Variants in ADGRF5 observed in about 807,000 individuals in gnomAD.
ADGRF5 encodes G-protein coupled receptor 116.
In ADGRF5, 75 loss-of-function variants were observed where a neutral mutation model predicts 132.3. The observed-to-expected ratio is 0.57, with a 90% CI of 0.47 to 0.69. The LOEUF is 0.69. Among genes scored for constraint, ADGRF5 ranks in the 30% least tolerant of loss-of-function variants. ADGRF5 has a pLI of 0.00. For missense variants in ADGRF5, 1,516 were observed against 1,630.6 expected, an observed-to-expected ratio of 0.93 and a Z score of 1.21; for synonymous variants, 629 against 597.6, an observed-to-expected ratio of 1.05 and a Z score of -0.77.
upstream of ADGRF5, among the ~76,000 whole-genome samples, chr6:46,926,733 A>G (rs113612965): frequency 0.02 from 3,071 of 152,236 alleles, 108 homozygotes; most frequent in African/African-American, 0.07. Flanking sequence ...TTTCAGAATC[A>G]TCGACTTGTC....
At chr6:46,944,554 T>G (rs766729286) in intron 1 of ADGRF5, among the ~76,000 whole-genome samples, 5 of 152,182 alleles carry the variant, frequency 3.3e-5, no homozygotes, top group Non-Finnish European at 4.4e-5. Context: ...CCCAGAGATA[T>G]GCATTTTGAT....
intron 1 of ADGRF5, among the ~76,000 whole-genome samples, chr6:46,920,344 A>G (rs1776803586): frequency 6.6e-6 from 1 of 152,204 alleles, no homozygotes; most frequent in South Asian, 2.1e-4. Flanking sequence ...TAAAAGAGCT[A>G]TTCATGTTTC....
chr6:46,903,725 G>A (rs1191876063), intron 2 of ADGRF5: 1 of 152,102 alleles, frequency 6.6e-6, no homozygotes, highest in East Asian at 1.9e-4. Flanking sequence ...CTCTAGCAAT[G>A]TCTCCTCACA....
chr6:46,948,725 C>T (rs867886188), intron 1 of ADGRF5, among the ~76,000 whole-genome samples: 12 of 152,150 alleles, frequency 7.9e-5, no homozygotes, highest in Middle Eastern at 3.2e-3. Context: ...TTTGAATTGC[C>T]GTCACCGGTC....
intron 3 of ADGRF5, among the ~76,000 whole-genome samples, chr6:46,889,147 G>C (rs1382774654): frequency 6.7e-6 from 1 of 148,960 alleles, no homozygotes; most frequent in Non-Finnish European, 1.5e-5. Context: ...GCTACATCAG[G>C]CAGGCTAATA....
intron 3 of ADGRF5, among the ~76,000 whole-genome samples, chr6:46,894,807 C>T (rs1449021179): frequency 6.6e-6 from 1 of 152,132 alleles, no homozygotes; most frequent in Non-Finnish European, 1.5e-5. Context: ...CATATAGTTG[C>T]CAGTAAAATA....
At chr6:46,912,200 C>A (rs1776012024) in intron 1 of ADGRF5, among the ~76,000 whole-genome samples, 1 of 152,140 alleles carries the variant, frequency 6.6e-6, no homozygotes, top group Non-Finnish European at 1.5e-5. Flanking sequence ...ATCCCTTTAA[C>A]CATTGTGCAG....
At chr6:46,953,647 ATGTG>A (rs536152673) in intron 1 of ADGRF5, among the ~76,000 whole-genome samples, 63 of 24,296 alleles carry the variant, frequency 2.6e-3, no homozygotes, top group East Asian at 4.2e-3. Flanking sequence ...ATATAGATAT[ATGTG>A]TATATATATA....
chr6:46,909,428 C>T (rs758184745), intron 1 of ADGRF5, among the ~76,000 whole-genome samples: 6 of 152,226 alleles, frequency 3.9e-5, no homozygotes, highest in Non-Finnish European at 7.3e-5. Context: ...ATTAGCCTTG[C>T]GGCTCTGAGC....
intron 1 of ADGRF5, among the ~76,000 whole-genome samples, chr6:46,934,337 A>G (rs1284979152): frequency 6.6e-6 from 1 of 152,208 alleles, no homozygotes; most frequent in East Asian, 1.9e-4. Flanking sequence ...CTTGGACCAG[A>G]TCTTTTATTG....
intron 3 of ADGRF5, among the ~76,000 whole-genome samples, chr6:46,897,071 CA>C (rs1457718091): frequency 6.6e-6 from 1 of 150,750 alleles, no homozygotes; most frequent in Admixed American, 6.6e-5. Flanking sequence ...AAGGGAAGGA[CA>C]ACAGTATACA....
intron 3 of ADGRF5, among the ~76,000 whole-genome samples, chr6:46,894,716 A>G (rs550111506): frequency 1.3e-5 from 2 of 152,362 alleles, no homozygotes; most frequent in East Asian, 3.9e-4. Context: ...GCTTATCTGT[A>G]AATGAAAGGT....
chr6:46,953,108 T>C (rs1434869815), intron 1 of ADGRF5, among the ~76,000 whole-genome samples: 1 of 152,182 alleles, frequency 6.6e-6, no homozygotes, highest in Non-Finnish European at 1.5e-5. Context: ...GGCAGGATGA[T>C]AAGGAGCCGA....
chr6:46,858,638 C>G lies in ADGRF5; in HGVS notation c.3265G>C (p.Ala1089Pro). 1 of 1,614,136 alleles carries G rather than the reference C, an allele frequency of 6.2e-7. No individual in the cohort carries two copies. The highest frequency in any genetic ancestry group is 8.5e-7 in the Non-Finnish European group (1 of 1,180,010). Reference protein sequence around the residue: ...YILCKTACVAATFFIHFFYLS... With the variant: ...YILCKTACVAPTFFIHFFYLS... ...TAGAAGAAGTGGATGAAGAAGGTGG[C>G]AGCCACACAGGCTGTCTTGCAGAGT... Residue 1089 changes from alanine to proline, a missense_variant, in exon 17 of 21, where the codon GCC becomes CCC. Ala to Pro is a conservative substitution (Grantham distance 27). Coordinates refer to ENST00000283296, the MANE Select transcript of ADGRF5 (RefSeq NM_001098518.2).
In ADGRF5 at chr6:46,862,703, C is replaced by CTTTTTTTTTTTTTTTTTTTTTT. The variant is rs67565937; in HGVS notation, c.2199+163_2199+184dup. Among the ~76,000 whole-genome samples the CTTTTTTTTTTTTTTTTTTTTTT allele has an allele frequency of 2.9e-3, 77 of 26,514 alleles. 8 individuals carry two copies. The highest frequency in any genetic ancestry group is 0.011 in the East Asian group (6 of 522). The allele number at this position is 26,514 out of a possible 152,430, so 17.4% of individuals were successfully genotyped here. The stretch of plus-strand genomic sequence containing the variant: ...AGTTGTCTTAGTATTTGAATTGAGG[C>CTTTTTTTTTTTTTTTTTTTTTT]TTTTTTTTTTTTTTTTTTTTTTTTT... On this transcript the variant is annotated intron_variant, in intron 15 of 20. Transcript: ENST00000283296.
intron 1 of ADGRF5, among the ~76,000 whole-genome samples, chr6:46,953,554 A>G (rs930216512): frequency 6.6e-6 from 1 of 150,382 alleles, no homozygotes; most frequent in Admixed American, 6.7e-5. Flanking sequence ...CCCAAGAGGC[A>G]GAGGTTGTGC....
intron 1 of ADGRF5, among the ~76,000 whole-genome samples, chr6:46,938,461 G>T (rs946245992): frequency 2.6e-5 from 4 of 152,190 alleles, no homozygotes; most frequent in African/African-American, 9.7e-5. Context: ...TGTGAAAAAG[G>T]CAACAGATTC....
chr6:46,859,681 T>C (rs1314211553), intron 16 of ADGRF5, among the ~76,000 whole-genome samples, 158 bp from the exon 17 acceptor site: 5 of 152,152 alleles, frequency 3.3e-5, no homozygotes, highest in Non-Finnish European at 5.9e-5. Flanking sequence ...GACCTTCTTA[T>C]GGCAGAGTTT....
chr6:46,910,705 CCAAACAAA>C (rs1284481323), intron 1 of ADGRF5, among the ~76,000 whole-genome samples: 6 of 148,534 alleles, frequency 4.0e-5, no homozygotes, highest in African/African-American at 7.9e-5. Context: ...AACCAACCAA[CCAAACAAA>C]CAAACAAACA....
Sources: allele counts gnomAD v4.1 joint callset (sites outside exome capture counted in the v4.1 genomes callset), GRCh38; gene constraint gnomAD v4.1.1; transcripts MANE v1.5; gene names NCBI Gene and HGNC (gene_info 2026-07-23, HGNC 2026-07-21).